Variants in NRG4 observed in about 807,000 individuals in gnomAD.
NRG4 encodes pro-neuregulin-4, membrane-bound isoform.
A neutral mutation model predicts 15.0 loss-of-function variants in NRG4; 10 were observed. That is an observed-to-expected ratio of 0.67 (90% confidence interval 0.41 to 1.13). NRG4 has a LOEUF of 1.13. Among genes scored for constraint, NRG4 ranks in the 50% most tolerant of loss-of-function variants. The pLI is 0.00. For missense variants in NRG4, 139 were observed against 140.2 expected (o/e 0.99, Z 0.04); for synonymous variants, 41 against 50.1 (o/e 0.82, Z 0.77).
chr15:75,967,682 G>A (rs1027980770), intron 3 of NRG4, among the ~76,000 whole-genome samples: 4 of 151,918 alleles, frequency 2.6e-5, no homozygotes, highest in African/African-American at 4.8e-5. Flanking sequence ...GGTGGGTCTC[G>A]AACTCCTGAC....
chr15:75,989,970 G>C (rs146632533), intron 3 of NRG4, among the ~76,000 whole-genome samples: 6 of 152,254 alleles, frequency 3.9e-5, no homozygotes, highest in Non-Finnish European at 7.4e-5. Flanking sequence ...GGTACAAATG[G>C]AGTAGCATTT....
intron 3 of NRG4, among the ~76,000 whole-genome samples, chr15:75,987,964 T>C (rs1242574435): frequency 6.6e-6 from 1 of 152,170 alleles, no homozygotes; most frequent in Admixed American, 6.5e-5. Context: ...TGAAGAGCCA[T>C]GGCAATACAG....
At chr15:76,023,300 G>A (rs998497703) in intron 5 of NRG4, among the ~76,000 whole-genome samples, 1 of 91,900 alleles carries the variant, frequency 1.1e-5, no homozygotes, top group African/African-American at 2.9e-5. Flanking sequence ...AGCCCAGAAG[G>A]TACCTACAGT....
intron 5 of NRG4, chr15:75,950,651 AT>A: frequency 1.4e-5 from 3 of 209,312 alleles, no homozygotes; most frequent in Non-Finnish European, 1.1e-5. Flanking sequence ...CTTCCCACTT[AT>A]TTTTTCCTGT....
intron 5 of NRG4, among the ~76,000 whole-genome samples, chr15:76,018,789 G>A (rs1046625996): frequency 8.5e-5 from 13 of 152,276 alleles, no homozygotes; most frequent in Non-Finnish European, 1.2e-4. Flanking sequence ...GTGTCTCCCC[G>A]TCAGGAGACA....
intron 3 of NRG4, among the ~76,000 whole-genome samples, chr15:75,979,170 G>T (rs2033496951): frequency 6.6e-6 from 1 of 151,960 alleles, no homozygotes; most frequent in African/African-American, 2.4e-5. Flanking sequence ...CTGTGCTTTT[G>T]AGGTCTTACT....
At chr15:76,009,703 T>C (rs1434988492) in intron 2 of NRG4, among the ~76,000 whole-genome samples, 3 of 152,270 alleles carry the variant, frequency 2.0e-5, no homozygotes, top group Non-Finnish European at 2.9e-5. Context: ...AGGTCTCAAA[T>C]ACATTAATAT....
upstream of NRG4, among the ~76,000 whole-genome samples, chr15:76,015,820 A>G (rs1462480437): frequency 3.3e-5 from 5 of 152,046 alleles, no homozygotes; most frequent in African/African-American, 7.2e-5. Flanking sequence ...TTCTTGTTGT[A>G]TCTCTGCCAG....
chr15:75,979,234 C>T (rs999400524), intron 3 of NRG4, among the ~76,000 whole-genome samples: 1 of 152,076 alleles, frequency 6.6e-6, no homozygotes, highest in African/African-American at 2.4e-5. Context: ...CCTATGCATT[C>T]TTCTAATAGT....
Position 75,943,394 on chromosome 15 carries a change from G to C in NRG4, c.*244C>G. On this transcript the variant is annotated 3_prime_UTR_variant, in exon 6 of 6. Coordinates refer to ENST00000394907, the MANE Select transcript of NRG4 (RefSeq NM_138573.4). ...ACATCAGCTTTCTGGGGAGAGTCAT[G>C]TTGAACCAATGTGACTTCGAATTAT... 2.1e-6 allele frequency: 1 copy of C among 471,110 alleles called. No homozygotes were observed. Among genetic ancestry groups the C allele is most frequent in the Non-Finnish European group, 3.7e-6 (1 of 267,664 alleles). The allele number at this position is 471,110 out of a possible 1,614,324, so 29.2% of individuals were successfully genotyped here.
At chr15:75,971,179 T>G in intron 3 of NRG4, 1 of 451,644 alleles carries the variant, frequency 2.2e-6, no homozygotes, top group Non-Finnish European at 4.4e-6. Context: ...TACATATGTG[T>G]GTGGTTTGAA....
intron 3 of NRG4, among the ~76,000 whole-genome samples, chr15:75,993,557 A>T (rs2034104958): frequency 6.6e-6 from 1 of 152,038 alleles, no homozygotes; most frequent in East Asian, 1.9e-4. Flanking sequence ...AAAATTAGCC[A>T]GGCTGCATGC....
intron 3 of NRG4, among the ~76,000 whole-genome samples, chr15:75,968,385 C>T (rs111246268): frequency 0.012 from 1,884 of 151,934 alleles, 34 homozygotes; most frequent in African/African-American, 0.039. Flanking sequence ...GTCAGGAGTT[C>T]GAGACCATCC....
chr15:75,949,879 T>C (rs1200540141), intron 5 of NRG4, among the ~76,000 whole-genome samples: 3 of 152,246 alleles, frequency 2.0e-5, no homozygotes, highest in Non-Finnish European at 4.4e-5. Flanking sequence ...CAAAAATCAA[T>C]TGTGGTCTAT....
chr15:75,961,466 T>G (rs182014006), intron 4 of NRG4, among the ~76,000 whole-genome samples: 1 of 152,302 alleles, frequency 6.6e-6, no homozygotes, highest in East Asian at 1.9e-4. Context: ...ACCATATGTC[T>G]TAAGCTAACA....
At chr15:76,051,716 A>T (rs1394703304) in intron 4 of NRG4, among the ~76,000 whole-genome samples, 1 of 150,140 alleles carries the variant, frequency 6.7e-6, no homozygotes, top group East Asian at 1.9e-4. Context: ...GGCGCCCGCC[A>T]CCACGCCTGG....
intron 3 of NRG4, among the ~76,000 whole-genome samples, chr15:75,966,403 C>T (rs751489928): frequency 1.9e-4 from 29 of 152,152 alleles, no homozygotes; most frequent in Non-Finnish European, 3.4e-4. Context: ...ACATCACATG[C>T]TTTAACTACA....
At chr15:76,009,857 G>A (rs753066347) in intron 2 of NRG4, among the ~76,000 whole-genome samples, 4 of 152,046 alleles carry the variant, frequency 2.6e-5, no homozygotes, top group Non-Finnish European at 5.9e-5. Flanking sequence ...TTAGGTAACA[G>A]TTACTAACCA....
At chr15:75,979,465 A>T (rs1391894) in intron 3 of NRG4, among the ~76,000 whole-genome samples, 121,764 of 152,094 alleles carry the variant, frequency 0.8, 49,141 homozygotes, top group South Asian at 0.9. Flanking sequence ...ACAAACAAGA[A>T]AATTTTATCT....
Sources: gnomAD v4.1 joint callset for allele counts (sites outside exome capture counted in the v4.1 genomes callset) on GRCh38, gnomAD v4.1.1 for gene constraint, MANE v1.5 for transcripts, NCBI Gene and HGNC (gene_info 2026-07-23, HGNC 2026-07-21) for gene names.